The following GNG4 variants were observed in gnomAD, a reference collection of about 807,000 sequenced individuals.
GNG4 encodes G protein subunit gamma 4.
A neutral mutation model predicts 5.8 loss-of-function variants in GNG4; 4 were observed. That is an observed-to-expected ratio of 0.69 (90% CI 0.34 to 1.57). The LOEUF is 1.57. GNG4 is among the 40% of genes most tolerant of loss of function. The pLI is 0.06. For missense variants in GNG4, 96 were observed against 95.1 expected (o/e 1.01, Z -0.04); for synonymous variants, 29 against 32.9 (o/e 0.88, Z 0.41).
At chr1:235,616,047 TG>T (rs906537073) in intron 1 of GNG4, 2 of 359,838 alleles carry the variant, frequency 5.6e-6, no homozygotes, top group African/African-American at 4.3e-5. Context: ...CGGCACCTGG[TG>T]GCCGTCTTCC....
chr1:235,557,852 C>T (rs1686959231), intron 3 of GNG4, among the ~76,000 whole-genome samples: 1 of 152,192 alleles, frequency 6.6e-6, no homozygotes, highest in Non-Finnish European at 1.5e-5. Flanking sequence ...AGAGTAACTT[C>T]TTCCCTTACA....
intron 1 of GNG4, among the ~76,000 whole-genome samples, chr1:235,603,414 C>T (rs1428571241): frequency 6.6e-6 from 1 of 152,146 alleles, no homozygotes; most frequent in Non-Finnish European, 1.5e-5. Flanking sequence ...ATCAATTCTG[C>T]TGTTTCTCAG....
chr1:235,603,723 G>A (rs867549169), intron 1 of GNG4, among the ~76,000 whole-genome samples: 3 of 152,128 alleles, frequency 2.0e-5, no homozygotes, highest in African/African-American at 4.8e-5. Context: ...CCAGGGATTC[G>A]AAGCTTTGGG....
At chr1:235,573,330 G>T (rs1226274735) in intron 3 of GNG4, among the ~76,000 whole-genome samples, 3 of 138,978 alleles carry the variant, frequency 2.2e-5, no homozygotes, top group African/African-American at 5.4e-5. Context: ...GTCAAGGGGT[G>T]GGGGGAGGGG....
intron 2 of GNG4, among the ~76,000 whole-genome samples, chr1:235,587,316 T>G (rs13375859): frequency 0.58 from 33,813 of 58,440 alleles, 9,929 homozygotes; most frequent in African/African-American, 0.83. Context: ...GTGAGGGGTG[T>G]GTGTGTGTGA....
intron 1 of GNG4, among the ~76,000 whole-genome samples, chr1:235,612,470 C>G (rs940705687): frequency 6.6e-6 from 1 of 152,162 alleles, no homozygotes; most frequent in African/African-American, 2.4e-5. Flanking sequence ...GGGGACGTGA[C>G]TTTCACAAGC....
At chr1:235,608,422 C>T (rs1026698986) in intron 1 of GNG4, among the ~76,000 whole-genome samples, 12 of 152,164 alleles carry the variant, frequency 7.9e-5, no homozygotes, top group Admixed American at 7.2e-4. Flanking sequence ...TTAGTACATC[C>T]ACAATGTTGT....
chr1:235,593,206 C>T (rs1299321382), intron 2 of GNG4, among the ~76,000 whole-genome samples: 1 of 152,116 alleles, frequency 6.6e-6, no homozygotes, highest in African/African-American at 2.4e-5. Flanking sequence ...GTCTTGGCCT[C>T]CCAAATTGCT....
rs543094064 is a variant in GNG4, at chr1:235,593,342, C to T, written c.-11+2058G>A. Among the ~76,000 whole-genome samples the T allele has an allele frequency of 7.2e-5, 11 of 152,292 alleles. No individual in the cohort carries two copies. The South Asian group carries it at 2.3e-3, about 32-fold the overall frequency. Reference sequence around the variant, plus strand: ...GAGACCAATGCAAGGCGGTTCCATCCCCAGTGCTTCTGACCTGACCTGACT... The same window carrying T: ...GAGACCAATGCAAGGCGGTTCCATCTCCAGTGCTTCTGACCTGACCTGACT... On this transcript the variant is annotated intron_variant, in intron 2 of 3. Transcript: ENST00000391854.
chr1:235,583,709 C>T (rs373715731), intron 3 of GNG4, 31 bp downstream of exon 3: 26 of 1,393,282 alleles, frequency 1.9e-5, no homozygotes, highest in African/African-American at 1.4e-4. Flanking sequence ...GAGCTTCGGG[C>T]GGAGGGTGGG....
At chr1:235,632,150 A>G (rs1571923599) in intron 1 of GNG4, among the ~76,000 whole-genome samples, 1 of 152,066 alleles carries the variant, frequency 6.6e-6, no homozygotes. Flanking sequence ...CAGCGGCACC[A>G]TCATGGCTCC....
At chr1:235,556,680 T>TG (rs1180912425) in intron 3 of GNG4, among the ~76,000 whole-genome samples, 1 of 151,542 alleles carries the variant, frequency 6.6e-6, no homozygotes, top group Non-Finnish European at 1.5e-5. Flanking sequence ...TTCCATGAAC[T>TG]GGGGGTGGGG....
chr1:235,583,097 T>G (rs1558484047), intron 3 of GNG4, among the ~76,000 whole-genome samples: 1 of 152,160 alleles, frequency 6.6e-6, no homozygotes, highest in Non-Finnish European at 1.5e-5. Flanking sequence ...ACACCAGAGT[T>G]GGGGTTCCTT....
At chr1:235,635,711 T>C (rs982656121) in intron 1 of GNG4, among the ~76,000 whole-genome samples, 3 of 152,052 alleles carry the variant, frequency 2.0e-5, no homozygotes, top group Admixed American at 6.6e-5. Flanking sequence ...AACTAATACA[T>C]GGCTGTATTT....
At position 235,570,923 on chromosome 1, in the gene GNG4, T is replaced by TACACATACACAC. The variant is rs374579255; in HGVS notation, c.99+12816_99+12817insGTGTGTATGTGT. Reference sequence around the variant, plus strand: ...GTGTGTGTGTGTATACATATATATATACACACACACACACACACACACATA... The same window carrying TACACATACACAC: ...GTGTGTGTGTGTATACATATATATATACACATACACACACACACACACACACACACACACATA... On this transcript the variant is annotated intron_variant, in intron 3 of 3. Coordinates refer to ENST00000391854, the MANE Select transcript of GNG4 (RefSeq NM_001098722.2). Among the ~76,000 whole-genome samples the TACACATACACAC allele has an allele frequency of 2.8e-3, 271 of 97,342 alleles. 1 individual carries two copies. Among genetic ancestry groups the TACACATACACAC allele is most frequent in the African/African-American group, 9.9e-3 (251 of 25,346 alleles). 63.9% of individuals were successfully genotyped at this position (97,342 alleles called of 152,430 possible). A position where few individuals can be genotyped will look rare whatever the true frequency, so the allele number is the denominator to read the frequency against.
intron 1 of GNG4, among the ~76,000 whole-genome samples, chr1:235,620,256 G>T (rs1431952284): frequency 6.6e-6 from 1 of 152,084 alleles, no homozygotes; most frequent in Non-Finnish European, 1.5e-5. Context: ...TCCCAGCTAC[G>T]TGGGTGGCTG....
chr1:235,597,196 A>G (rs1456535685), intron 1 of GNG4, among the ~76,000 whole-genome samples: 3 of 152,202 alleles, frequency 2.0e-5, no homozygotes, highest in African/African-American at 7.2e-5. Context: ...GCTCTGCCCT[A>G]CGGCATCCAT....
chr1:235,644,250 C>T lies in GNG4; in HGVS notation c.-123+5412G>A, dbSNP rs1460628657. On this transcript the variant is annotated intron_variant, in intron 1 of 3. Coordinates refer to ENST00000391854, the MANE Select transcript of GNG4 (RefSeq NM_001098722.2). The surrounding 1 kb of genome is among the most constrained non-coding windows in gnomAD (Gnocchi z 5.9). Reference sequence around the variant, plus strand: ...AGCGGGAGGGAGCGTGTGAGACCCACGAAGGCCTTGCCCTGGACCTACACC... The same window carrying T: ...AGCGGGAGGGAGCGTGTGAGACCCATGAAGGCCTTGCCCTGGACCTACACC... 1.3e-5 allele frequency among the ~76,000 whole-genome samples: 2 copies of T among 152,074 alleles called. No individual in the cohort carries two copies. The highest frequency in any genetic ancestry group is 1.5e-5 in the Non-Finnish European group (1 of 68,012).
At position 235,621,441 on chromosome 1, in the gene GNG4, G is replaced by A. The variant is rs140354273; in HGVS notation, c.-122-25930C>T. ...TGAGTAGCTGGGACTACAGGTGTGCGCCACCATGCCTGGCTAATTATTTTT... is the reference window on the plus strand; with the variant it reads ...TGAGTAGCTGGGACTACAGGTGTGCACCACCATGCCTGGCTAATTATTTTT... On this transcript the variant is annotated intron_variant, in intron 1 of 3. Transcript: ENST00000391854. 4.8e-3 allele frequency among the ~76,000 whole-genome samples: 699 copies of A among 146,046 alleles called. 13 individuals are homozygous for A. The highest frequency in any genetic ancestry group is 0.015 in the African/African-American group (598 of 39,550).
Sources: gnomAD v4.1 joint callset for allele counts (sites outside exome capture counted in the v4.1 genomes callset) on GRCh38, gnomAD v4.1.1 for gene constraint, Gnocchi (gnomAD v3.1) non-coding constraint, MANE v1.5 for transcripts, NCBI Gene and HGNC (gene_info 2026-07-23, HGNC 2026-07-21) for gene names.